PCDHA12: variants seen among roughly 807,000 people sequenced by gnomAD.
PCDHA12 encodes the protein protocadherin alpha 12, also known as protocadherin alpha-12.
PCDHA12 carries 44 observed loss-of-function variants against 60.0 expected under a neutral mutation model. That is an observed-to-expected ratio of 0.73 (90% CI 0.58 to 0.94). The LOEUF (loss-of-function observed/expected upper bound fraction) is 0.94. PCDHA12 is among the 40% of genes least tolerant of loss of function. The pLI is 0.00. For synonymous variants in PCDHA12, 569 were observed against 553.0 expected (o/e 1.03, Z -0.40); for missense variants, 1,276 against 1,239.7 (o/e 1.03, Z -0.44).
intron 1 of PCDHA12, among the ~76,000 whole-genome samples, chr5:140,951,383 G>A (rs782698893): frequency 1.2e-4 from 19 of 152,064 alleles, no homozygotes; most frequent in Non-Finnish European, 2.6e-4. Flanking sequence ...CCAAGACTCG[G>A]TAATTTATAA....
In PCDHA12 at chr5:140,960,243, G is replaced by A. The variant is rs531821446; in HGVS notation, c.2368-18706G>A. On this transcript the variant is annotated intron_variant, in intron 1 of 3. Coordinates refer to ENST00000398631, the MANE Select transcript of PCDHA12 (RefSeq NM_018903.4). The stretch of plus-strand genomic sequence containing the variant: ...AGAAACAGAGCCATGGTAAAAAGAA[G>A]CTTCCTGGAGCTTCTGATAAATTCC... 3.9e-5 allele frequency among the ~76,000 whole-genome samples: 6 copies of A among 152,270 alleles called. No individual in the cohort carries two copies. The East Asian group carries it at 1.2e-3, about 29-fold the overall frequency.
At chr5:140,999,766 A>G (rs1417826824) in intron 3 of PCDHA12, among the ~76,000 whole-genome samples, 2 of 152,180 alleles carry the variant, frequency 1.3e-5, no homozygotes, top group African/African-American at 2.4e-5. Flanking sequence ...TGATGTCTTT[A>G]TACTCTTAAC....
At chr5:140,943,278 G>A (rs246067) in intron 1 of PCDHA12, among the ~76,000 whole-genome samples, 37,737 of 121,894 alleles carry the variant, frequency 0.31, 6,744 homozygotes, top group East Asian at 0.43. Flanking sequence ...AAAAAAAAAA[G>A]AAAGAAAGAA....
intron 1 of PCDHA12, among the ~76,000 whole-genome samples, chr5:140,896,094 AGC>A (rs2065382019): frequency 6.6e-6 from 1 of 152,148 alleles, no homozygotes; most frequent in Non-Finnish European, 1.5e-5. Context: ...TACAGGCGTG[AGC>A]CACTGTGCCT....
chr5:140,886,158 C>A (rs888588847), intron 1 of PCDHA12, among the ~76,000 whole-genome samples: 2 of 152,142 alleles, frequency 1.3e-5, no homozygotes, highest in South Asian at 4.1e-4. Context: ...CTTTTTATAG[C>A]CACATCTGCT....
chr5:140,955,839 A>G (rs527318905), intron 1 of PCDHA12, among the ~76,000 whole-genome samples: 8 of 152,162 alleles, frequency 5.3e-5, no homozygotes, highest in African/African-American at 1.9e-4. Flanking sequence ...GTGGTTTGTC[A>G]TTCTCCTTGA....
intron 3 of PCDHA12, among the ~76,000 whole-genome samples, chr5:141,008,360 G>C (rs569459357): frequency 6.6e-6 from 1 of 152,220 alleles, no homozygotes; most frequent in South Asian, 2.1e-4. Flanking sequence ...TCAACCAAAG[G>C]AGCAGTGTTA....
Position 140,875,590 on chromosome 5 carries a change from A to G in PCDHA12, c.118A>G (p.Lys40Glu), listed in dbSNP as rs1554167782. 4 of 1,613,992 alleles carry G rather than the reference A, an allele frequency of 2.5e-6. No homozygotes were observed. Among genetic ancestry groups the G allele is most frequent in the Non-Finnish European group, 3.4e-6 (4 of 1,180,042 alleles). Residue 40 changes from lysine to glutamate, a missense_variant, in exon 1 of 4, where the codon AAA (lysine) becomes GAA (glutamate). Lys to Glu is a moderately conservative substitution (Grantham distance 56). Coordinates refer to ENST00000398631, the MANE Select transcript of PCDHA12 (RefSeq NM_018903.4). ...QLHYSVYEEA[K>E]HGTFVGRIAQ... is the part of the protein sequence containing the mutation. Reference sequence around the variant, plus strand: ...CCACTACTCCGTCTACGAGGAGGCCAAACACGGCACCTTCGTGGGCCGCAT... The same window carrying G: ...CCACTACTCCGTCTACGAGGAGGCCGAACACGGCACCTTCGTGGGCCGCAT...
intron 1 of PCDHA12, among the ~76,000 whole-genome samples, chr5:140,924,152 C>T (rs1163487854): frequency 6.6e-6 from 1 of 152,176 alleles, no homozygotes; most frequent in African/African-American, 2.4e-5. Context: ...TGAAGAAATG[C>T]ACATCCTAAT....
intron 1 of PCDHA12, chr5:140,969,591 T>C: frequency 2.4e-6 from 2 of 829,486 alleles, no homozygotes; most frequent in South Asian, 2.0e-5. Context: ...TTAGTCTTAA[T>C]ATTTAATGCT....
intron 1 of PCDHA12, among the ~76,000 whole-genome samples, chr5:140,896,881 A>C (rs1436700773): frequency 9.9e-5 from 15 of 152,204 alleles, no homozygotes; most frequent in Non-Finnish European, 1.3e-4. Context: ...TTTATGGGGT[A>C]TATGAGACAT....
At chr5:140,976,248 T>G (rs1476905185) in intron 1 of PCDHA12, among the ~76,000 whole-genome samples, 5 of 152,032 alleles carry the variant, frequency 3.3e-5, no homozygotes, top group African/African-American at 9.7e-5. Context: ...TCATGTAAAT[T>G]TATTTAAAAC....
Position 140,876,509 on chromosome 5 carries a change from A to G in PCDHA12, c.1037A>G (p.Asn346Ser), listed in dbSNP as rs782112140. 2 of 1,614,020 alleles carry G rather than the reference A, an allele frequency of 1.2e-6. No individual in the cohort carries two copies. The highest frequency in any genetic ancestry group is 2.2e-5 in the South Asian group (2 of 91,082). ...VLVEVLDVND[N>S]VPEVMVTSLS... ...GTGGAAGTTCTGGACGTGAATGACA[A>G]TGTCCCTGAAGTAATGGTTACTTCA... The change falls in exon 1 of 4, where the codon AAT (asparagine) becomes AGT (serine). Residue 346 changes from asparagine (N) to serine (S), a missense_variant. Asn to Ser is a conservative substitution (Grantham distance 46). Coordinates refer to ENST00000398631, the MANE Select transcript of PCDHA12 (RefSeq NM_018903.4).
intron 1 of PCDHA12, among the ~76,000 whole-genome samples, chr5:140,959,250 G>A (rs2095476529): frequency 6.6e-6 from 1 of 152,030 alleles, no homozygotes. Context: ...GATAGTGCAT[G>A]ACTGTAGTCC....
At chr5:140,927,701 A>G (rs2084527211) in intron 1 of PCDHA12, 1 of 1,614,052 alleles carries the variant, frequency 6.2e-7, no homozygotes, top group South Asian at 1.1e-5. Context: ...GAAGTCCAGT[A>G]CTCCCTAAGC....
chr5:140,883,668 A>G (rs782191858), intron 1 of PCDHA12: 16 of 1,613,456 alleles, frequency 9.9e-6, no homozygotes, highest in Non-Finnish European at 1.4e-5. Flanking sequence ...GTGAAGGAAA[A>G]CAATCCGCCG....
At chr5:140,940,528 A>G (rs1190387049) in intron 1 of PCDHA12, among the ~76,000 whole-genome samples, 6 of 152,156 alleles carry the variant, frequency 3.9e-5, no homozygotes, top group African/African-American at 1.4e-4. Flanking sequence ...AGCTCACTGC[A>G]ATCTTGAATT....
intron 1 of PCDHA12, among the ~76,000 whole-genome samples, chr5:140,942,058 C>T (rs2093224752): frequency 6.6e-6 from 1 of 152,040 alleles, no homozygotes; most frequent in Non-Finnish European, 1.5e-5. Flanking sequence ...GAAATGTTTG[C>T]TAATTGAGCC....
At chr5:140,968,166 C>G (rs782037307) in intron 1 of PCDHA12, 1 of 1,614,004 alleles carries the variant, frequency 6.2e-7, no homozygotes, top group Non-Finnish European at 8.5e-7. Flanking sequence ...GACAATCCAC[C>G]AAGCTTCCTG....
Sources: gnomAD v4.1 joint callset for allele counts (sites outside exome capture counted in the v4.1 genomes callset) on GRCh38, gnomAD v4.1.1 for gene constraint, MANE v1.5 for transcripts, NCBI Gene and HGNC (gene_info 2026-07-23, HGNC 2026-07-21) for gene names.